The following TRIM44 variants were observed in gnomAD, a reference collection of about 807,000 sequenced individuals.
TRIM44 encodes the protein tripartite motif containing 44, also known as tripartite motif-containing protein 44.
Under a neutral mutation model 37.4 loss-of-function variants are expected in TRIM44, and 13 were observed. That is an observed-to-expected ratio of 0.35 (90% CI 0.23 to 0.55). TRIM44 has a LOEUF of 0.55. Among genes scored for constraint, TRIM44 ranks in the 20% least tolerant of loss-of-function variants. The pLI is 0.89. For synonymous variants in TRIM44, 175 were observed against 157.2 expected, an observed-to-expected ratio of 1.11 and a Z score of -0.85; for missense variants, 426 against 437.2, an observed-to-expected ratio of 0.97 and a Z score of 0.23.
intron 4 of TRIM44, among the ~76,000 whole-genome samples, chr11:35,752,306 G>C (rs140184392): frequency 6.6e-6 from 1 of 152,050 alleles, no homozygotes; most frequent in Non-Finnish European, 1.5e-5. Flanking sequence ...CCTTCTTCCT[G>C]TTGGCCACTC....
chr11:35,695,265 C>T (rs1851682842), intron 2 of TRIM44, among the ~76,000 whole-genome samples: 1 of 152,098 alleles, frequency 6.6e-6, no homozygotes, highest in African/African-American at 2.4e-5. Flanking sequence ...GCTTAATTAA[C>T]ATTAGACTTA....
intron 4 of TRIM44, among the ~76,000 whole-genome samples, chr11:35,771,128 G>C (rs1852864049): frequency 6.6e-6 from 1 of 152,166 alleles, no homozygotes; most frequent in African/African-American, 2.4e-5. Context: ...CTCACAAGAA[G>C]ACAGGGAAAT....
chr11:35,783,992 A>G (rs779739571), intron 4 of TRIM44, among the ~76,000 whole-genome samples: 10 of 152,186 alleles, frequency 6.6e-5, no homozygotes, highest in Non-Finnish European at 1.0e-4. Context: ...TCAGCCTCAC[A>G]CTGACGTGGC....
At chr11:35,666,262 T>G (rs868106390) in intron 1 of TRIM44, among the ~76,000 whole-genome samples, 1 of 152,226 alleles carries the variant, frequency 6.6e-6, no homozygotes. Flanking sequence ...TCTGTTAGTA[T>G]ATCCCTGTGT....
At chr11:35,686,896 G>C (rs1382217249) in intron 2 of TRIM44, among the ~76,000 whole-genome samples, 1 of 152,156 alleles carries the variant, frequency 6.6e-6, no homozygotes, top group Non-Finnish European at 1.5e-5. Context: ...TCCATCTCTA[G>C]AGCTTTTTTA....
At chr11:35,757,230 G>T (rs1445184134) in intron 4 of TRIM44, among the ~76,000 whole-genome samples, 2 of 152,104 alleles carry the variant, frequency 1.3e-5, no homozygotes, top group Non-Finnish European at 2.9e-5. Flanking sequence ...TTTAGTCTTG[G>T]GAGGGCGTAT....
intron 4 of TRIM44, among the ~76,000 whole-genome samples, chr11:35,752,935 G>A (rs749644129): frequency 5.3e-5 from 8 of 152,038 alleles, no homozygotes; most frequent in African/African-American, 1.9e-4. Context: ...TTTCTTTTCC[G>A]CTAGAACATA....
rs1853554037 is a variant in TRIM44 at position 35,813,907 on chromosome 11, T to G, written c.*7522T>G. ...AGCCTCTGGTGTTCAGAGAGTTTTT[T>G]TCACAGCTTTGTAAGTGACTTTCAT... On this transcript the variant is annotated 3_prime_UTR_variant, in exon 5 of 5. Coordinates refer to ENST00000299413, the MANE Select transcript of TRIM44 (RefSeq NM_017583.6). The G allele has an allele frequency of 6.6e-6, 1 of 152,226 alleles. No homozygotes were observed. The highest frequency in any genetic ancestry group is 1.5e-5 in the Non-Finnish European group (1 of 68,030). 9.4% of individuals were successfully genotyped at this position (152,226 alleles called of 1,614,324 possible). A position where few individuals can be genotyped will look rare whatever the true frequency, so the allele number is the denominator to read the frequency against.
intron 4 of TRIM44, among the ~76,000 whole-genome samples, chr11:35,797,006 G>C (rs1853301325): frequency 6.6e-6 from 1 of 152,212 alleles, no homozygotes; most frequent in Admixed American, 6.5e-5. Flanking sequence ...CTGGAGGGTA[G>C]TATCAAATGC....
chr11:35,802,763 G>A (rs1853387067), intron 4 of TRIM44, among the ~76,000 whole-genome samples: 1 of 152,140 alleles, frequency 6.6e-6, no homozygotes, highest in Non-Finnish European at 1.5e-5. Context: ...CCACCTAGAA[G>A]GGTCAGAGTG....
At chr11:35,680,315 T>C (rs915683514) in intron 1 of TRIM44, among the ~76,000 whole-genome samples, 5 of 152,218 alleles carry the variant, frequency 3.3e-5, no homozygotes, top group Admixed American at 2.6e-4. Flanking sequence ...TATATTTAAC[T>C]CTAAAATCCT....
chr11:35,721,435 T>A (rs1165186296), intron 2 of TRIM44, among the ~76,000 whole-genome samples: 1 of 152,182 alleles, frequency 6.6e-6, no homozygotes, highest in African/African-American at 2.4e-5. Context: ...ATAATAACAG[T>A]AACAACAGCA....
At chr11:35,704,602 A>G (rs1282791908) in intron 2 of TRIM44, among the ~76,000 whole-genome samples, 1 of 152,218 alleles carries the variant, frequency 6.6e-6, no homozygotes, top group Admixed American at 6.5e-5. Flanking sequence ...GTGGGGGCCA[A>G]TATTCAACAT....
At chr11:35,740,095 CT>C (rs1852373985) in intron 4 of TRIM44, among the ~76,000 whole-genome samples, 2 of 80,690 alleles carry the variant, frequency 2.5e-5, no homozygotes, top group Non-Finnish European at 4.4e-5. Context: ...AAGACTCTGT[CT>C]AAAAAAAAAA....
At chr11:35,778,782 G>A (rs1171417342) in intron 4 of TRIM44, among the ~76,000 whole-genome samples, 2 of 151,942 alleles carry the variant, frequency 1.3e-5, no homozygotes, top group African/African-American at 2.4e-5. Flanking sequence ...AATGGCAAAT[G>A]TTGCTGCCTG....
At chr11:35,799,805 T>C (rs1404668933) in intron 4 of TRIM44, among the ~76,000 whole-genome samples, 1 of 152,166 alleles carries the variant, frequency 6.6e-6, no homozygotes, top group Non-Finnish European at 1.5e-5. Context: ...CCTCTGTGAA[T>C]AGTGGCCATT....
At chr11:35,711,077 T>C (rs749176727) in intron 2 of TRIM44, among the ~76,000 whole-genome samples, 2 of 151,912 alleles carry the variant, frequency 1.3e-5, no homozygotes, top group Non-Finnish European at 2.9e-5. Context: ...AGCAATGGGG[T>C]TTCTTTTGGG....
chr11:35,719,750 A>T (rs865917894), intron 2 of TRIM44, among the ~76,000 whole-genome samples: 2 of 152,112 alleles, frequency 1.3e-5, no homozygotes, highest in African/African-American at 2.4e-5. Context: ...TGTCTAGATT[A>T]TTATTATTTT....
intron 4 of TRIM44, among the ~76,000 whole-genome samples, chr11:35,764,171 C>G (rs1187446337): frequency 1.3e-5 from 2 of 152,180 alleles, no homozygotes; most frequent in Non-Finnish European, 2.9e-5. Flanking sequence ...GTCTGGCAAT[C>G]ATTTGGTCCC....
Sources: allele counts gnomAD v4.1 joint callset (sites outside exome capture counted in the v4.1 genomes callset), GRCh38; gene constraint gnomAD v4.1.1; transcripts MANE v1.5; gene names NCBI Gene and HGNC (gene_info 2026-07-23, HGNC 2026-07-21).